Variants in ZNF263 observed in about 807,000 individuals in gnomAD.
ZNF263 encodes the protein zinc finger protein FPM315.
A neutral mutation model predicts 63.1 loss-of-function variants in ZNF263; 49 were observed. That is an observed-to-expected ratio of 0.78 (90% CI 0.62 to 0.99). The LOEUF is 0.99. ZNF263 is among the 50% of genes least tolerant of loss of function. The pLI, the probability that ZNF263 is intolerant of heterozygous loss-of-function variation, is 0.00. For synonymous variants in ZNF263, 352 were observed against 324.2 expected (o/e 1.09, Z -0.92); for missense variants, 872 against 854.8 (o/e 1.02, Z -0.25).
At chr16:3,300,843 G>A (rs2150780000) in intron 2 of ZNF263, 1 of 559,348 alleles carries the variant, frequency 1.8e-6, no homozygotes, top group Non-Finnish European at 2.9e-6. Flanking sequence ...AGTCCTGTCT[G>A]GCTCTTGCTC....
chr16:3,288,612 G>T lies in ZNF263; in HGVS notation c.886+42G>T, dbSNP rs762870053. ...AGTGGCCTGCGCAGCAAGCAGCAAG[G>T]CTCTTGCAGTTAAGAGTGAGGCATT... On this transcript the variant is annotated intron_variant, in intron 5 of 5. Transcript: ENST00000219069. 4.7e-6 allele frequency: 7 copies of T among 1,473,924 alleles called. No individual in the cohort carries two copies. In the Admixed American group the frequency reaches 6.0e-5, roughly 13 times the overall value. The allele number at this position is 1,473,924 out of a possible 1,614,324, so 91.3% of individuals were successfully genotyped here.
In ZNF263 at chr16:3,289,426, C is replaced by A; in HGVS notation, c.920C>A (p.Pro307Gln). ...AAATTTGAGAACCTGGAAGGTGTTC[C>A]GTCTGTATGCTCTGAGAACATCCAC... is the stretch of plus-strand genomic sequence containing the variant. ...EEKFENLEGV[P>Q]SVCSENIHPQ... Residue 307 changes from proline to glutamine, a missense_variant, in exon 6 of 6, where the codon CCG becomes CAG. Pro to Gln is a moderately conservative substitution (Grantham distance 76). Coordinates refer to ENST00000219069, the MANE Select transcript of ZNF263 (RefSeq NM_005741.5). The A allele has an allele frequency of 6.6e-7, 1 of 1,516,334 alleles. No individual in the cohort carries two copies. The highest frequency in any genetic ancestry group is 8.8e-7 in the Non-Finnish European group (1 of 1,133,904). The allele number at this position is 1,516,334 out of a possible 1,614,324, so 93.9% of individuals were successfully genotyped here. A position where few individuals can be genotyped will look rare whatever the true frequency, so the allele number is the denominator to read the frequency against.
chr16:3,288,632 G>C, intron 5 of ZNF263, 62 bp downstream of exon 5: 1 of 1,311,416 alleles, frequency 7.6e-7, no homozygotes, highest in Non-Finnish European at 1.1e-6. Flanking sequence ...TTAAGAGTGA[G>C]GCATTTTTTG....
intron 2 of ZNF263, chr16:3,300,048 T>A: frequency 6.2e-7 from 1 of 1,614,210 alleles, no homozygotes; most frequent in Non-Finnish European, 8.5e-7. Context: ...CCTGAGAATT[T>A]TCTGGCATTG....
chr16:3,298,404 G>A (rs760724128), intron 1 of ZNF263, among the ~76,000 whole-genome samples: 1 of 152,224 alleles, frequency 6.6e-6, no homozygotes, highest in South Asian at 2.1e-4. Context: ...GACAGTAAGA[G>A]ATAAGGTTTT....
At chr16:3,287,206 G>A (rs1032298232) in intron 4 of ZNF263, among the ~76,000 whole-genome samples, 11 of 152,142 alleles carry the variant, frequency 7.2e-5, no homozygotes, top group Non-Finnish European at 1.2e-4. Flanking sequence ...TGCCTCCCGG[G>A]TTCAAGTGAT....
At chr16:3,294,157 C>G (rs757088720), downstream of ZNF263, among the ~76,000 whole-genome samples, 6 of 152,182 alleles carry the variant, frequency 3.9e-5, no homozygotes, top group Non-Finnish European at 8.8e-5. Flanking sequence ...GATCTCCTGA[C>G]CTCGTGATCT....
chr16:3,294,873 A>C (rs566703176), downstream of ZNF263, among the ~76,000 whole-genome samples: 1 of 152,204 alleles, frequency 6.6e-6, no homozygotes, highest in Non-Finnish European at 1.5e-5. Flanking sequence ...AACGGGAAAG[A>C]AAAACATTAA....
Position 3,289,921 on chromosome 16 carries a change from C to T in ZNF263, c.1415C>T (p.Ser472Phe), listed in dbSNP as rs778065733. ...TGCAACATTTGCGGAAAATGTTTCT[C>T]CTGCAACTCCAACCTCCACAGGCAC... is the stretch of plus-strand genomic sequence containing the variant. The part of the protein sequence containing the change: ...YQCNICGKCF[S>F]CNSNLHRHQR... The change falls in exon 6 of 6, where the codon TCC (serine) becomes TTC (phenylalanine). Residue 472 changes from serine to phenylalanine, a missense_variant. Transcript: ENST00000219069. 1 of 1,614,178 alleles carries T rather than the reference C, an allele frequency of 6.2e-7. No homozygotes were observed. The highest frequency in any genetic ancestry group is 8.5e-7 in the Non-Finnish European group (1 of 1,180,044).
Position 3,289,532 on chromosome 16 carries a change from A to G in ZNF263, c.1026A>G (p.Gln342=). Residue 342 remains glutamine, a synonymous_variant, in exon 6 of 6, where the codon CAA becomes CAG. Transcript: ENST00000219069. ...PELGRPHDRS[Q]GDWAPPPEGG... ...TGGGAAGACCTCATGACCGGTCGCAAGGGGATTGGGCGCCTCCCCCAGAGG... is the reference window on the plus strand; with the variant it reads ...TGGGAAGACCTCATGACCGGTCGCAGGGGGATTGGGCGCCTCCCCCAGAGG... 6.2e-7 allele frequency: 1 copy of G among 1,602,504 alleles called. No individual in the cohort carries two copies. The highest frequency in any genetic ancestry group is 2.2e-5 in the East Asian group (1 of 44,828).
Position 3,290,906 on chromosome 16 carries a change from G to C in ZNF263, c.*348G>C. 1 of 1,031,484 alleles carries C rather than the reference G, an allele frequency of 9.7e-7. No homozygotes were observed. The highest frequency in any genetic ancestry group is 4.0e-5 in the South Asian group (1 of 25,242). 63.9% of individuals were successfully genotyped at this position (1,031,484 alleles called of 1,614,324 possible). ...CCTTAACAAGTTTGGGAATCCATGTGATGTTTTTGATACTTCTTCCTCATT... is the reference window on the plus strand; with the variant it reads ...CCTTAACAAGTTTGGGAATCCATGTCATGTTTTTGATACTTCTTCCTCATT... On this transcript the variant is annotated 3_prime_UTR_variant, in exon 6 of 6. Coordinates refer to ENST00000219069, the MANE Select transcript of ZNF263 (RefSeq NM_005741.5).
In ZNF263 at chr16:3,283,960, C is replaced by G. The variant is rs781047965; in HGVS notation, c.142C>G (p.Arg48Gly). Reference sequence around the variant, plus strand: ...CTCCCACTTGCGCTTCAGACGGTTCCGCTTCCAAGAGGCAGCTGGTCCCCG... The same window carrying G: ...CTCCCACTTGCGCTTCAGACGGTTCGGCTTCCAAGAGGCAGCTGGTCCCCG... ...EASHLRFRRF[R>G]FQEAAGPREA... The change falls in exon 1 of 6, where the codon CGC (arginine) becomes GGC (glycine). Residue 48 changes from arginine to glycine, a missense_variant. Coordinates refer to ENST00000219069, the MANE Select transcript of ZNF263 (RefSeq NM_005741.5). 4.3e-6 allele frequency: 7 copies of G among 1,613,952 alleles called. No homozygotes were observed. The highest frequency in any genetic ancestry group is 5.9e-6 in the Non-Finnish European group (7 of 1,180,012).
Position 3,290,407 on chromosome 16 carries a change from A to T in ZNF263, c.1901A>T (p.His634Leu). 1 of 1,614,156 alleles carries T rather than the reference A, an allele frequency of 6.2e-7. No homozygotes were observed. The highest frequency in any genetic ancestry group is 8.5e-7 in the Non-Finnish European group (1 of 1,180,022). The change falls in exon 6 of 6, where the codon CAT becomes CTT. Residue 634 changes from histidine to leucine, a missense_variant. Physicochemically the swap from His to Leu is moderately conservative, Grantham distance 99 (BLOSUM62 -3). Coordinates refer to ENST00000219069, the MANE Select transcript of ZNF263 (RefSeq NM_005741.5). ...ACAGGAGAAAAACCCTATACCTGTC[A>T]TGAGTGCGGAGACAGCTTCTCTCAC... ...IHTGEKPYTC[H>L]ECGDSFSHSS...
chr16:3,297,946 C>A (rs1004206540), intron 1 of ZNF263, among the ~76,000 whole-genome samples: 1 of 152,230 alleles, frequency 6.6e-6, no homozygotes, highest in South Asian at 2.1e-4. Flanking sequence ...AAGAGCTTAA[C>A]AATATTCAAT....
chr16:3,290,694 G>T lies in ZNF263; in HGVS notation c.*136G>T. The T allele has an allele frequency of 1.8e-5, 26 of 1,441,428 alleles. No individual in the cohort carries two copies. Among genetic ancestry groups the T allele is most frequent in the Non-Finnish European group, 2.3e-5 (25 of 1,103,700 alleles). The allele number at this position is 1,441,428 out of a possible 1,614,324, so 89.3% of individuals were successfully genotyped here. On this transcript the variant is annotated 3_prime_UTR_variant, in exon 6 of 6. Transcript: ENST00000219069. The stretch of plus-strand genomic sequence containing the variant: ...GTAATGGGGGCTCATTGTGAGGGAG[G>T]TGCAGAGGCAGCAGAGGATTGGCAT...
At chr16:3,296,622 T>C (rs1451230719) in intron 1 of ZNF263, among the ~76,000 whole-genome samples, 1 of 152,192 alleles carries the variant, frequency 6.6e-6, no homozygotes, top group Non-Finnish European at 1.5e-5. Flanking sequence ...CTAAACTGAA[T>C]GTAAAAAGGA....
At chr16:3,298,506 CT>C (rs546881408) in intron 1 of ZNF263, among the ~76,000 whole-genome samples, 124 of 152,224 alleles carry the variant, frequency 8.1e-4, no homozygotes, top group Non-Finnish European at 7.8e-4. Context: ...TGCTTTTTAT[CT>C]TTTTTTATAT....
At chr16:3,296,676 TAATA>T (rs1418177622) in intron 1 of ZNF263, among the ~76,000 whole-genome samples, 2 of 152,146 alleles carry the variant, frequency 1.3e-5, no homozygotes, top group East Asian at 1.9e-4. Flanking sequence ...AAGTTCTGGG[TAATA>T]AATAAGGCAC....
intron 4 of ZNF263, 192 bp downstream of exon 4, chr16:3,286,341 G>T: frequency 1.4e-6 from 1 of 723,282 alleles, no homozygotes; most frequent in African/African-American, 1.9e-5. Flanking sequence ...GGCAGCCCGG[G>T]ACTGGAGTCC....
Sources: gnomAD v4.1 joint callset for allele counts (sites outside exome capture counted in the v4.1 genomes callset) on GRCh38, gnomAD v4.1.1 for gene constraint, MANE v1.5 for transcripts, NCBI Gene and HGNC (gene_info 2026-07-23, HGNC 2026-07-21) for gene names.